Variants in NCAPD3 observed in about 807,000 individuals in gnomAD.
NCAPD3 encodes the protein condensin-2 complex subunit D3.
NCAPD3 carries 105 observed loss-of-function variants against 182.9 expected under a neutral mutation model. The ratio of observed to expected loss-of-function variants is 0.57; its 90% CI spans 0.49 to 0.68. The LOEUF is 0.68. Among genes scored for constraint, NCAPD3 ranks in the 30% least tolerant of loss-of-function variants. The probability of loss-of-function intolerance (pLI) is 0.00; values close to 1 mark genes in which losing one functional copy is unlikely to be tolerated. For missense variants in NCAPD3, 1,944 were observed against 1,837.0 expected, an observed-to-expected ratio of 1.06 and a Z score of -1.07; for synonymous variants, 815 against 679.9, an observed-to-expected ratio of 1.20 and a Z score of -3.09.
In NCAPD3 at chr11:134,176,296, A is replaced by T; in HGVS notation, c.3101+11T>A. 6.2e-7 allele frequency: 1 copy of T among 1,611,360 alleles called. No individual in the cohort carries two copies. ...AACTGTTGAGTCGTCTGACGTGAGG[A>T]AAAGATTTACCTGGCAATGTCTGGG... On this transcript the variant is annotated intron_variant, in intron 24 of 34. Transcript: ENST00000534548.
intron 32 of NCAPD3, among the ~76,000 whole-genome samples, chr11:134,155,565 G>A (rs1001370298): frequency 3.9e-5 from 6 of 152,144 alleles, no homozygotes; most frequent in Admixed American, 6.5e-5. Context: ...AGATGAGGGC[G>A]GCATGAACCC....
chr11:134,192,965 T>C, intron 15 of NCAPD3, 56 bp from the exon 16 acceptor site: 2 of 997,498 alleles, frequency 2.0e-6, no homozygotes, highest in Non-Finnish European at 3.1e-6. Flanking sequence ...AGGGAAGTTG[T>C]GATCAACATT....
At chr11:134,217,525 G>A (rs1289551981) in intron 2 of NCAPD3, among the ~76,000 whole-genome samples, 1 of 152,122 alleles carries the variant, frequency 6.6e-6, no homozygotes, top group East Asian at 1.9e-4. Flanking sequence ...TTATTTAAAT[G>A]TTCTGCAGAT....
At chr11:134,162,899 G>A (rs1943628418) in intron 27 of NCAPD3, among the ~76,000 whole-genome samples, 1 of 152,296 alleles carries the variant, frequency 6.6e-6, no homozygotes, top group Non-Finnish European at 1.5e-5. Flanking sequence ...GGGAATTTAG[G>A]TATGGAGATG....
rs538730454 is a variant in NCAPD3 at position 134,152,737 on chromosome 11, G to A, written c.*207C>T. On this transcript the variant is annotated 3_prime_UTR_variant, in exon 35 of 35. Coordinates refer to ENST00000534548, the MANE Select transcript of NCAPD3 (RefSeq NM_015261.3). ...ATTAGGGTAAGAAAATCTAAATCTGGCACATCTCTATTATTTGACAGTGTT... is the reference window on the plus strand; with the variant it reads ...ATTAGGGTAAGAAAATCTAAATCTGACACATCTCTATTATTTGACAGTGTT... The A allele has an allele frequency of 6.5e-6, 3 of 462,236 alleles. No individual in the cohort carries two copies. The highest frequency in any genetic ancestry group is 6.0e-5 in the South Asian group (1 of 16,576). The allele number at this position is 462,236 out of a possible 1,614,324, so 28.6% of individuals were successfully genotyped here.
intron 32 of NCAPD3, among the ~76,000 whole-genome samples, chr11:134,154,477 A>ACCCC (rs376790927): frequency 2.6e-5 from 2 of 75,602 alleles, no homozygotes; most frequent in African/African-American, 6.0e-5. Context: ...GCTTCTCTGC[A>ACCCC]CCCCCCCCCC....
At chr11:134,218,595 CT>C (rs1938115247) in intron 2 of NCAPD3, among the ~76,000 whole-genome samples, 1 of 152,148 alleles carries the variant, frequency 6.6e-6, no homozygotes, top group South Asian at 2.1e-4. Context: ...CATCATCTTC[CT>C]AGTTTTGAAA....
chr11:134,188,529 C>T (rs940805018), intron 16 of NCAPD3, among the ~76,000 whole-genome samples: 1 of 152,236 alleles, frequency 6.6e-6, no homozygotes, highest in South Asian at 2.1e-4. Flanking sequence ...TGAACTGTAA[C>T]ACCGCAAGGG....
Position 134,202,141 on chromosome 11 carries a change from T to C in NCAPD3, c.1615+675A>G, listed in dbSNP as rs553214712. On this transcript the variant is annotated intron_variant, in intron 13 of 34. Coordinates refer to ENST00000534548, the MANE Select transcript of NCAPD3 (RefSeq NM_015261.3). Reference sequence around the variant, plus strand: ...CATCGGGAAGGACCAGATCAAGGTTTATTGAATAAATTAATAAACCCAATT... The same window carrying C: ...CATCGGGAAGGACCAGATCAAGGTTCATTGAATAAATTAATAAACCCAATT... Among the ~76,000 whole-genome samples, 3 of 152,344 alleles carry C rather than the reference T, an allele frequency of 2.0e-5. No homozygotes were observed. The South Asian group carries it at 6.2e-4, about 32-fold the overall frequency.
At chr11:134,160,678 G>A (rs916525081) in intron 28 of NCAPD3, among the ~76,000 whole-genome samples, 1 of 152,148 alleles carries the variant, frequency 6.6e-6, no homozygotes, top group Admixed American at 6.5e-5. Context: ...AGACCACTTT[G>A]CTAAGAGAAA....
intron 7 of NCAPD3, among the ~76,000 whole-genome samples, 179 bp downstream of exon 7, chr11:134,208,685 A>G (rs1937709922): frequency 6.6e-6 from 1 of 152,244 alleles, no homozygotes. Context: ...AGTTGGCAAT[A>G]AAGAACAGAG....
At chr11:134,210,508 A>G (rs1036038892) in intron 3 of NCAPD3, 54 bp from the exon 4 acceptor site, 1 of 1,452,216 alleles carries the variant, frequency 6.9e-7, no homozygotes, top group Non-Finnish European at 9.5e-7. Context: ...CTTGAAATAT[A>G]TCTATAACAT....
At chr11:134,210,182 C>T (rs1008331816) in intron 4 of NCAPD3, 88 bp downstream of exon 4, 11 of 1,171,940 alleles carry the variant, frequency 9.4e-6, no homozygotes, top group Admixed American at 2.2e-5. Context: ...AATCATGATG[C>T]CTGAAACCAT....
At chr11:134,180,077 CT>C (rs1254992072) in intron 20 of NCAPD3, among the ~76,000 whole-genome samples, 1 of 151,978 alleles carries the variant, frequency 6.6e-6, no homozygotes, top group Non-Finnish European at 1.5e-5. Flanking sequence ...TAGTAAGCAT[CT>C]TTCTTAATGT....
intron 16 of NCAPD3, among the ~76,000 whole-genome samples, chr11:134,187,250 C>G (rs1944428140): frequency 6.6e-6 from 1 of 152,286 alleles, no homozygotes; most frequent in South Asian, 2.1e-4. Flanking sequence ...CGCTGAGACT[C>G]TGGTCCACCA....
At chr11:134,187,297 T>C (rs963641865) in intron 16 of NCAPD3, among the ~76,000 whole-genome samples, 1 of 152,210 alleles carries the variant, frequency 6.6e-6, no homozygotes, top group African/African-American at 2.4e-5. Flanking sequence ...CTAATTCCTG[T>C]CTTCTAATAA....
intron 1 of NCAPD3, among the ~76,000 whole-genome samples, chr11:134,222,434 C>T (rs1938266439): frequency 1.3e-5 from 2 of 152,124 alleles, no homozygotes; most frequent in Non-Finnish European, 2.9e-5. Context: ...AGAAGAGAGG[C>T]CACTGAATTT....
chr11:134,212,374 T>TG (rs763546662), intron 3 of NCAPD3, among the ~76,000 whole-genome samples: 3,504 of 141,330 alleles, frequency 0.025, 43 homozygotes, highest in African/African-American at 0.037. Flanking sequence ...TTTTTGTTGT[T>TG]TTGTGTGTGT....
intron 27 of NCAPD3, among the ~76,000 whole-genome samples, chr11:134,167,601 CACTA>C (rs755888147): frequency 2.9e-4 from 30 of 105,014 alleles, no homozygotes; most frequent in Middle Eastern, 6.5e-3. Flanking sequence ...GGGGCACACT[CACTA>C]GTGAGATGAG....
Sources: allele counts gnomAD v4.1 joint callset (sites outside exome capture counted in the v4.1 genomes callset), GRCh38; gene constraint gnomAD v4.1.1; transcripts MANE v1.5; gene names NCBI Gene and HGNC (gene_info 2026-07-23, HGNC 2026-07-21).